DLGAP2: variants seen among roughly 807,000 people sequenced by gnomAD.
The protein encoded by DLGAP2 is disks large-associated protein 2.
A neutral mutation model predicts 100.3 loss-of-function variants in DLGAP2; 26 were observed. That is an observed-to-expected ratio of 0.26 (90% CI 0.19 to 0.36). The LOEUF is 0.36. Among genes scored for constraint, DLGAP2 ranks in the 10% least tolerant of loss-of-function variants. DLGAP2 has a pLI of 1.00. For synonymous variants in DLGAP2, 886 were observed against 630.1 expected, an observed-to-expected ratio of 1.41 and a Z score of -6.08; for missense variants, 1,858 against 1,453.2, an observed-to-expected ratio of 1.28 and a Z score of -4.53.
intron 6 of DLGAP2, among the ~76,000 whole-genome samples, chr8:1,595,389 C>G (rs911167328): frequency 2.0e-5 from 3 of 152,046 alleles, no homozygotes; most frequent in Non-Finnish European, 4.4e-5. Context: ...GTCGGCCGGG[C>G]GCGGTGGCTC....
intron 8 of DLGAP2, among the ~76,000 whole-genome samples, chr8:1,635,541 G>C (rs1797746714): frequency 6.6e-6 from 1 of 152,122 alleles, no homozygotes; most frequent in Non-Finnish European, 1.5e-5. Context: ...AGGTTATTTT[G>C]ACAGATTGAT....
At chr8:1,480,100 G>A (rs191171852) in intron 3 of DLGAP2, among the ~76,000 whole-genome samples, 6 of 152,294 alleles carry the variant, frequency 3.9e-5, no homozygotes, top group African/African-American at 4.8e-5. Flanking sequence ...GGGACGCCCC[G>A]CGCAGTGCAG....
In DLGAP2 at chr8:799,617, T is replaced by TA. The variant is rs568983674; in HGVS notation, c.18+61795dup. On this transcript the variant is annotated intron_variant, in intron 1 of 14. Coordinates refer to ENST00000637795, the MANE Select transcript of DLGAP2 (RefSeq NM_001346810.2). ...CTGATATGAACTGTGAACTCACTTT[T>TA]AAAGACAGGGTCTCTGTCACCCAGG... is the stretch of plus-strand genomic sequence containing the variant. Among the ~76,000 whole-genome samples, 69 of 152,332 alleles carry TA rather than the reference T, an allele frequency of 4.5e-4. 2 individuals carry two copies. The South Asian group carries it at 8.7e-3, about 19-fold the overall frequency.
At chr8:905,675 G>A (rs993009801) in intron 1 of DLGAP2, among the ~76,000 whole-genome samples, 16 of 152,222 alleles carry the variant, frequency 1.1e-4, no homozygotes, top group South Asian at 6.2e-4. Flanking sequence ...TCTGTGTATC[G>A]TCAGAATCCA....
At chr8:1,261,944 G>A (rs1054671617) in intron 3 of DLGAP2, among the ~76,000 whole-genome samples, 1 of 152,174 alleles carries the variant, frequency 6.6e-6, no homozygotes, top group African/African-American at 2.4e-5. Context: ...GGATGTGGGT[G>A]TGCAGCGCTC....
intron 3 of DLGAP2, among the ~76,000 whole-genome samples, chr8:1,391,016 G>T (rs1796339202): frequency 6.6e-6 from 1 of 152,200 alleles, no homozygotes; most frequent in Non-Finnish European, 1.5e-5. Flanking sequence ...AACCCCCCAT[G>T]TGGGGTCATC....
intron 3 of DLGAP2, among the ~76,000 whole-genome samples, chr8:1,275,780 A>G (rs1303596507): frequency 1.5e-5 from 2 of 130,022 alleles, no homozygotes; most frequent in Non-Finnish European, 3.1e-5. Context: ...ATTATATATA[A>G]AAATATATAA....
intron 3 of DLGAP2, among the ~76,000 whole-genome samples, chr8:1,442,642 G>C (rs547044840): frequency 6.8e-6 from 1 of 146,758 alleles, no homozygotes; most frequent in Admixed American, 6.8e-5. Flanking sequence ...TGTGGGTTCA[G>C]CCACTGGAGG....
chr8:1,314,612 G>C (rs1449364757), intron 3 of DLGAP2, among the ~76,000 whole-genome samples: 1 of 152,220 alleles, frequency 6.6e-6, no homozygotes, highest in Admixed American at 6.5e-5. Flanking sequence ...ATTAGATTGA[G>C]GGTCTCATTG....
At chr8:1,057,726 A>T (rs879611896) in intron 2 of DLGAP2, among the ~76,000 whole-genome samples, 53 of 152,218 alleles carry the variant, frequency 3.5e-4, no homozygotes, top group Non-Finnish European at 2.6e-4. Context: ...ATCTTTGAGA[A>T]TTGTGACTAT....
chr8:1,367,431 A>C (rs1190694288), intron 3 of DLGAP2, among the ~76,000 whole-genome samples: 1 of 152,182 alleles, frequency 6.6e-6, no homozygotes, highest in African/African-American at 2.4e-5. Flanking sequence ...AGCACACACT[A>C]ATGGGCGTTG....
intron 2 of DLGAP2, among the ~76,000 whole-genome samples, chr8:1,210,549 G>T (rs1798082123): frequency 6.6e-6 from 1 of 152,216 alleles, no homozygotes; most frequent in African/African-American, 2.4e-5. Flanking sequence ...GCACAGCACA[G>T]GCCCACTGAG....
intron 3 of DLGAP2, among the ~76,000 whole-genome samples, chr8:1,437,274 G>C (rs901537577): frequency 5.9e-5 from 9 of 152,246 alleles, no homozygotes; most frequent in Admixed American, 2.0e-4. Context: ...CCGGGTCTCC[G>C]TTCAGCCCAG....
chr8:1,454,818 G>T (rs915135878), intron 3 of DLGAP2, among the ~76,000 whole-genome samples: 3 of 152,182 alleles, frequency 2.0e-5, no homozygotes, highest in African/African-American at 7.2e-5. Flanking sequence ...TGAGCACTCA[G>T]ACCTTCGATA....
chr8:1,551,625 G>C (rs1411368299), intron 5 of DLGAP2, among the ~76,000 whole-genome samples: 1 of 152,060 alleles, frequency 6.6e-6, no homozygotes, highest in Non-Finnish European at 1.5e-5. Flanking sequence ...AAGTGAGACA[G>C]AATGAACCCA....
chr8:1,488,667 C>G (rs891465894), intron 3 of DLGAP2, among the ~76,000 whole-genome samples: 1 of 152,188 alleles, frequency 6.6e-6, no homozygotes, highest in Non-Finnish European at 1.5e-5. Context: ...GGTTCTCATC[C>G]ATGCTGCCAC....
intron 3 of DLGAP2, among the ~76,000 whole-genome samples, chr8:1,276,037 C>T (rs559285075): frequency 2.1e-4 from 25 of 120,990 alleles, no homozygotes; most frequent in South Asian, 7.7e-4. Context: ...AAATATATAA[C>T]GTATAAAAAT....
chr8:1,355,397 C>G (rs1211899629), intron 3 of DLGAP2, among the ~76,000 whole-genome samples: 2 of 152,184 alleles, frequency 1.3e-5, no homozygotes, highest in African/African-American at 4.8e-5. Context: ...TGGAGTCTCG[C>G]TCTGTCACCC....
intron 8 of DLGAP2, among the ~76,000 whole-genome samples, chr8:1,635,001 TGTCCAA>T (rs1797734583): frequency 6.6e-6 from 1 of 152,214 alleles, no homozygotes; most frequent in South Asian, 2.1e-4. Context: ...TGCAGGGGAC[TGTCCAA>T]GTTATGTGAC....
Sources: gnomAD v4.1 joint callset for allele counts (sites outside exome capture counted in the v4.1 genomes callset) on GRCh38, gnomAD v4.1.1 for gene constraint, MANE v1.5 for transcripts, NCBI Gene and HGNC (gene_info 2026-07-23, HGNC 2026-07-21) for gene names.